Variants in KRT40 observed in about 807,000 individuals in gnomAD.
KRT40 encodes the protein keratin 40, also known as keratin, type I cytoskeletal 40.
In KRT40, 47 loss-of-function variants were observed where a neutral mutation model predicts 43.5. The ratio of observed to expected loss-of-function variants is 1.08; its 90% CI spans 0.86 to 1.38. KRT40 has a LOEUF of 1.38. KRT40 is among the 40% of genes most tolerant of loss of function. KRT40 has a pLI of 0.00. For synonymous variants in KRT40, 212 were observed against 214.0 expected, an observed-to-expected ratio of 0.99 and a Z score of 0.08; for missense variants, 573 against 523.6, an observed-to-expected ratio of 1.09 and a Z score of -0.92.
chr17:40,979,130 C>T (rs1439689832), intron 5 of KRT40, 106 bp from the exon 6 acceptor site: 4 of 776,786 alleles, frequency 5.1e-6, no homozygotes, highest in South Asian at 5.0e-5. Flanking sequence ...TGACCACTGG[C>T]AAATTATTTA....
rs201877520 is a variant in KRT40 at position 40,978,289 on chromosome 17, A to T, written c.1204T>A (p.Cys402Ser). 6.2e-7 allele frequency: 1 copy of T among 1,613,616 alleles called. No homozygotes were observed. Among genetic ancestry groups the T allele is most frequent in the African/African-American group, 1.3e-5 (1 of 74,920 alleles). Reference protein sequence around the residue: ...LLDSEDSRLSCSPCSTTCTSS... With the variant: ...LLDSEDSRLSSSPCSTTCTSS... ...GTGCATGTGGTCGAACATGGGCTAC[A>T]GGAAAGCCTGGGGAAAAATCGATTT... Residue 402 changes from cysteine to serine, a missense_variant, in exon 7 of 7, where the codon TGT (cysteine) becomes AGT (serine). By Grantham distance (112) the Cys-to-Ser change is moderately radical (BLOSUM62 -1). Coordinates refer to ENST00000377755, the MANE Select transcript of KRT40 (RefSeq NM_001389244.1).
chr17:40,979,496 C>T (rs1350785655), intron 5 of KRT40, among the ~76,000 whole-genome samples: 4 of 121,370 alleles, frequency 3.3e-5, no homozygotes, highest in Non-Finnish European at 6.5e-5. Flanking sequence ...AGGGAGACTC[C>T]GTCCAAAAAA....
At chr17:40,984,603 G>T (rs1446069823), upstream of KRT40, among the ~76,000 whole-genome samples, 1 of 152,108 alleles carries the variant, frequency 6.6e-6, no homozygotes, top group African/African-American at 2.4e-5. Context: ...AAAAGAAAGA[G>T]AAAATTTGGC....
chr17:40,982,999 A>C, intron 2 of KRT40, 47 bp downstream of exon 2: 12 of 791,240 alleles, frequency 1.5e-5, no homozygotes, highest in Non-Finnish European at 2.4e-5. Context: ...CAAGAGTGAA[A>C]CTCCATCTCA....
upstream of KRT40, chr17:40,984,342 C>T (rs1912362444): frequency 8.1e-7 from 1 of 1,236,234 alleles, no homozygotes; most frequent in Non-Finnish European, 1.1e-6. Context: ...CTCTCCTCTC[C>T]TGAGAGTTTT....
chr17:40,981,198 A>G (rs1017146969), intron 3 of KRT40, 47 bp from the exon 4 acceptor site: 4 of 1,611,178 alleles, frequency 2.5e-6, no homozygotes, highest in Middle Eastern at 1.7e-4. Flanking sequence ...GTGGGGAAAA[A>G]TCCATTTGAC....
intron 2 of KRT40, among the ~76,000 whole-genome samples, 172 bp from the exon 3 acceptor site, chr17:40,982,635 T>G (rs570582316): frequency 1.4e-5 from 2 of 146,634 alleles, no homozygotes; most frequent in Non-Finnish European, 3.0e-5. Flanking sequence ...TAAAATATTA[T>G]ATAGAGAATA....
At position 40,978,302 on chromosome 17, in the gene KRT40, G is replaced by A; in HGVS notation, c.1197-6C>T. On this transcript the variant is annotated splice_polypyrimidine_tract_variant and splice_region_variant and intron_variant, in intron 6 of 6. Coordinates refer to ENST00000377755, the MANE Select transcript of KRT40 (RefSeq NM_001389244.1). ...AACATGGGCTACAGGAAAGCCTGGG[G>A]AAAAATCGATTTTCAACCAAGATTA... 1 of 1,610,130 alleles carries A rather than the reference G, an allele frequency of 6.2e-7. No individual in the cohort carries two copies. The highest frequency in any genetic ancestry group is 8.5e-7 in the Non-Finnish European group (1 of 1,176,600).
At chr17:40,984,582 G>C (rs1253083651), upstream of KRT40, among the ~76,000 whole-genome samples, 6 of 152,092 alleles carry the variant, frequency 3.9e-5, no homozygotes, top group African/African-American at 1.4e-4. Flanking sequence ...TTGTGCTTTT[G>C]ACAGAATAAT....
upstream of KRT40, chr17:40,987,067 C>A (rs1597924977): frequency 6.6e-6 from 1 of 152,330 alleles, no homozygotes; most frequent in African/African-American, 2.4e-5. Context: ...TCAGCTGAAA[C>A]GTCGTTCAAC....
At position 40,981,044 on chromosome 17, in the gene KRT40, A is replaced by T; in HGVS notation, c.795T>A (p.Cys265Ter). 1 of 1,614,218 alleles carries T rather than the reference A, an allele frequency of 6.2e-7. No homozygotes were observed. The highest frequency in any genetic ancestry group is 8.5e-7 in the Non-Finnish European group (1 of 1,180,048). The change falls in exon 4 of 7, where the codon TGT becomes TGA. Residue 265 changes from cysteine to a stop codon, truncating the protein, a stop_gained. Coordinates refer to ENST00000377755, the MANE Select transcript of KRT40 (RefSeq NM_001389244.1). LOFTEE classifies it high-confidence loss of function. The part of the protein sequence containing the change: ...NRVLDEMRCQ[C>*]ETVLANNRRE... ...TGCGATTGTTGGCAAGCACCGTTTC[A>T]CACTGACAGCGCATCTCATCCAGGA...
Position 40,977,758 on chromosome 17 carries a change from A to T in KRT40, c.*439T>A, listed in dbSNP as rs1371336066. ...ATTCCTAATATTTTTCCTCAGAAAG[A>T]TACACACAACTATTTTCTAAGATAT... On this transcript the variant is annotated 3_prime_UTR_variant, in exon 7 of 7. Coordinates refer to ENST00000377755, the MANE Select transcript of KRT40 (RefSeq NM_001389244.1). 1 of 152,646 alleles carries T rather than the reference A, an allele frequency of 6.6e-6. No homozygotes were observed. The highest frequency in any genetic ancestry group is 1.5e-5 in the Non-Finnish European group (1 of 68,350). 9.5% of individuals were successfully genotyped at this position (152,646 alleles called of 1,614,324 possible). A position where few individuals can be genotyped will look rare whatever the true frequency, so the allele number is the denominator to read the frequency against.
chr17:40,978,966 G>T lies in KRT40; in HGVS notation c.1034C>A (p.Ala345Asp), dbSNP rs1358947098. Reference protein sequence around the residue: ...ETEAQYSSQLAQIQCLIDNLE... With the variant: ...ETEAQYSSQLDQIQCLIDNLE... Reference sequence around the variant, plus strand: ...GTTATCGATCAGACACTGAATTTGGGCCAGCTGGGAGCTGTACTGGGCCTC... The same window carrying T: ...GTTATCGATCAGACACTGAATTTGGTCCAGCTGGGAGCTGTACTGGGCCTC... Residue 345 changes from alanine (A) to aspartate (D), a missense_variant, in exon 6 of 7, where the codon GCC becomes GAC. Physicochemically the swap from Ala to Asp is moderately radical, Grantham distance 126 (BLOSUM62 -2). Coordinates refer to ENST00000377755, the MANE Select transcript of KRT40 (RefSeq NM_001389244.1). 6.2e-7 allele frequency: 1 copy of T among 1,614,106 alleles called. No homozygotes were observed. The highest frequency in any genetic ancestry group is 1.3e-5 in the African/African-American group (1 of 75,032).
At chr17:40,979,233 G>T (rs994781522) in intron 5 of KRT40, among the ~76,000 whole-genome samples, 2 of 152,074 alleles carry the variant, frequency 1.3e-5, no homozygotes, top group Non-Finnish European at 1.5e-5. Flanking sequence ...GTTAATATGC[G>T]GGCTGGGCGC....
Position 40,978,784 on chromosome 17 carries a change from T to C in KRT40, c.1196+20A>G, listed in dbSNP as rs377149131. The C allele has an allele frequency of 7.5e-6, 12 of 1,597,118 alleles. No homozygotes were observed. The East Asian group carries it at 2.7e-4, about 36-fold the overall frequency. ...CTCTTTGTGACTCTGGGGGATTTCA[T>C]GAGTAACTGTGGAACTTGCCTGCTG... On this transcript the variant is annotated intron_variant, in intron 6 of 6. Coordinates refer to ENST00000377755, the MANE Select transcript of KRT40 (RefSeq NM_001389244.1).
In KRT40 at chr17:40,983,839, ATCT is replaced by A; in HGVS notation, c.432_434del (p.Glu144del). 1.2e-6 allele frequency: 2 copies of A among 1,613,082 alleles called. No homozygotes were observed. The highest frequency in any genetic ancestry group is 2.2e-5 in the South Asian group (2 of 91,070). On this transcript the variant is annotated inframe_deletion, in exon 1 of 7. Transcript: ENST00000377755. ...ACAGGACACAGACCTTTTGTTGGAG[ATCT>A]TCAATGGTGTTGAAGTAACGCTGAT...
upstream of KRT40, among the ~76,000 whole-genome samples, chr17:40,985,583 T>C (rs915838955): frequency 2.6e-5 from 4 of 152,188 alleles, no homozygotes; most frequent in East Asian, 1.9e-4. Flanking sequence ...CCTAGGTACC[T>C]GATAGTAGAA....
At chr17:40,985,426 A>G (rs1393361957), upstream of KRT40, among the ~76,000 whole-genome samples, 3 of 152,116 alleles carry the variant, frequency 2.0e-5, no homozygotes, top group African/African-American at 7.2e-5. Context: ...TAGTCGTTAC[A>G]TTTATTTCAT....
Position 40,980,886 on chromosome 17 carries a change from GTT to G in KRT40, c.872_873del (p.Gln291ProfsTer27). On this transcript the variant is annotated frameshift_variant, in exon 5 of 7. Transcript: ENST00000377755. LOFTEE classifies it high-confidence loss of function. ...CCCTGCAGCTGCTCCGCGCTGGACA[GTT>G]GCTGCTGATTCAGCTCTTCTGTCTG... The part of the protein sequence containing the change: ...AVQTEELNQQ[Q>X]LSSAEQLQGC... 6 of 1,614,014 alleles carry G rather than the reference GTT, an allele frequency of 3.7e-6. No individual in the cohort carries two copies. The highest frequency in any genetic ancestry group is 5.1e-6 in the Non-Finnish European group (6 of 1,180,012).
Sources: gnomAD v4.1 joint callset for allele counts (sites outside exome capture counted in the v4.1 genomes callset) on GRCh38, gnomAD v4.1.1 for gene constraint, MANE v1.5 for transcripts, NCBI Gene and HGNC (gene_info 2026-07-23, HGNC 2026-07-21) for gene names.